Variants in CTNNA2 observed in about 807,000 individuals in gnomAD.
The protein encoded by CTNNA2 is catenin alpha 2, also known as catenin alpha-2.
Under a neutral mutation model 101.0 loss-of-function variants are expected in CTNNA2, and 42 were observed. The observed-to-expected ratio is 0.42, with a 90% CI of 0.32 to 0.54. The LOEUF is 0.54. Ranked by LOEUF, CTNNA2 falls within the 20% of genes least tolerant of loss-of-function variation. The probability of loss-of-function intolerance (pLI) is 0.14; values close to 1 mark genes in which losing one functional copy is unlikely to be tolerated. For missense variants in CTNNA2, 871 were observed against 1,223.1 expected (o/e 0.71, Z 4.29); for synonymous variants, 450 against 456.4 (o/e 0.99, Z 0.18).
intron 9 of CTNNA2, among the ~76,000 whole-genome samples, chr2:80,441,245 G>C (rs972511475): frequency 6.6e-6 from 1 of 152,124 alleles, no homozygotes; most frequent in Non-Finnish European, 1.5e-5. Context: ...TGTCTACCCT[G>C]AGACTTCAAA....
chr2:79,922,330 T>A (rs1686719416), intron 7 of CTNNA2, among the ~76,000 whole-genome samples: 1 of 152,156 alleles, frequency 6.6e-6, no homozygotes, highest in Non-Finnish European at 1.5e-5. Flanking sequence ...TGGCCTTTTT[T>A]ATTATTTTGT....
chr2:79,766,209 G>T (rs1673144079), intron 3 of CTNNA2, among the ~76,000 whole-genome samples: 1 of 152,148 alleles, frequency 6.6e-6, no homozygotes, highest in African/African-American at 2.4e-5. Flanking sequence ...TTGTAGGACA[G>T]GTCTGGTGTT....
chr2:79,554,690 C>T (rs945055026), intron 1 of CTNNA2, among the ~76,000 whole-genome samples: 1 of 152,082 alleles, frequency 6.6e-6, no homozygotes, highest in Non-Finnish European at 1.5e-5. Flanking sequence ...CTCCAGACAC[C>T]TCATACCCAA....
At chr2:79,560,701 G>A (rs1674722547) in intron 1 of CTNNA2, among the ~76,000 whole-genome samples, 1 of 151,834 alleles carries the variant, frequency 6.6e-6, no homozygotes. Context: ...GTATGAATAT[G>A]TTAGGAAAAG....
At chr2:79,755,027 A>T (rs1369746923) in intron 3 of CTNNA2, among the ~76,000 whole-genome samples, 1 of 138,978 alleles carries the variant, frequency 7.2e-6, no homozygotes, top group African/African-American at 2.7e-5. Flanking sequence ...ATTACTTTTT[A>T]AAATGATACT....
At chr2:79,617,085 G>A (rs1056533874) in intron 1 of CTNNA2, among the ~76,000 whole-genome samples, 7 of 151,908 alleles carry the variant, frequency 4.6e-5, no homozygotes, top group African/African-American at 7.3e-5. Context: ...TGTATTTTTA[G>A]TAGAGACGGG....
chr2:79,448,492 A>T (rs541976049), intron 4 of CTNNA2, among the ~76,000 whole-genome samples: 1 of 152,190 alleles, frequency 6.6e-6, no homozygotes, highest in East Asian at 1.9e-4. Flanking sequence ...TCAGGTAAAT[A>T]CAAGGTGCAT....
chr2:80,452,606 G>A (rs868337853), intron 9 of CTNNA2, among the ~76,000 whole-genome samples: 92 of 151,702 alleles, frequency 6.1e-4, no homozygotes, highest in South Asian at 3.5e-3. Context: ...ATGCTGGCTG[G>A]CATCCTCACA....
At chr2:79,615,031 C>T (rs1015076571) in intron 1 of CTNNA2, among the ~76,000 whole-genome samples, 2 of 152,022 alleles carry the variant, frequency 1.3e-5, no homozygotes, top group Non-Finnish European at 2.9e-5. Context: ...GTGTGGTTGA[C>T]GAGAGAGCAT....
intron 7 of CTNNA2, among the ~76,000 whole-genome samples, chr2:79,978,920 A>G (rs960243216): frequency 7.2e-5 from 11 of 152,306 alleles, no homozygotes; most frequent in Admixed American, 2.6e-4. Flanking sequence ...CTCTTGACAT[A>G]AAGAAAACTG....
intron 1 of CTNNA2, among the ~76,000 whole-genome samples, chr2:79,532,561 T>C (rs973781445): frequency 6.6e-6 from 1 of 152,198 alleles, no homozygotes; most frequent in Non-Finnish European, 1.5e-5. Flanking sequence ...TTCACCATCA[T>C]TGGCTATTAT....
At chr2:79,834,789 A>G (rs1028599737) in intron 3 of CTNNA2, among the ~76,000 whole-genome samples, 4 of 152,024 alleles carry the variant, frequency 2.6e-5, no homozygotes, top group African/African-American at 9.7e-5. Context: ...ACCCAATATC[A>G]TAAATATATC....
chr2:80,156,315 A>T (rs533683960), intron 7 of CTNNA2, among the ~76,000 whole-genome samples: 1 of 152,256 alleles, frequency 6.6e-6, no homozygotes, highest in Non-Finnish European at 1.5e-5. Context: ...TAGAAATATG[A>T]TCGTTTTATG....
intron 6 of CTNNA2, among the ~76,000 whole-genome samples, chr2:79,884,786 A>G (rs1044480416): frequency 7.0e-6 from 1 of 142,290 alleles, no homozygotes; most frequent in African/African-American, 2.6e-5. Context: ...TCAAATTGTA[A>G]TTCTCTTTCC....
chr2:79,457,658 T>C lies in CTNNA2; in HGVS notation c.-134-47396T>C, dbSNP rs184026113. On this transcript the variant is annotated intron_variant, in intron 4 of 21. Transcript: ENST00000466387. ...TATCAAAGCTCTTTTTCTACTTACC[T>C]TAGTTACGGAAACTCCGCGAGTATT... Among the ~76,000 whole-genome samples, 1,639 of 152,250 alleles carry C rather than the reference T, an allele frequency of 0.011. 80 individuals carry two copies. The East Asian group carries it at 0.13, about 12-fold the overall frequency.
At chr2:80,533,842 C>T (rs1289142651) in intron 9 of CTNNA2, among the ~76,000 whole-genome samples, 2 of 152,164 alleles carry the variant, frequency 1.3e-5, no homozygotes, top group East Asian at 1.9e-4. Context: ...AAGGGCATTA[C>T]ATTCCCGGCA....
chr2:79,399,901 T>C (rs1372637205), intron 4 of CTNNA2, among the ~76,000 whole-genome samples: 1 of 152,072 alleles, frequency 6.6e-6, no homozygotes, highest in Non-Finnish European at 1.5e-5. Flanking sequence ...CCCAAATATC[T>C]GAGACAGGTC....
At chr2:80,255,117 T>C (rs545287435) in intron 7 of CTNNA2, among the ~76,000 whole-genome samples, 1 of 152,314 alleles carries the variant, frequency 6.6e-6, no homozygotes, top group East Asian at 1.9e-4. Flanking sequence ...CCTGTGTCGA[T>C]AGATGTTCGT....
chr2:79,475,717 GA>G (rs1455593403), intron 4 of CTNNA2, among the ~76,000 whole-genome samples: 2 of 146,618 alleles, frequency 1.4e-5, no homozygotes, highest in Admixed American at 1.4e-4. Context: ...TTATATTCAG[GA>G]AAATTTCTTG....
Sources: gnomAD v4.1 joint callset for allele counts (sites outside exome capture counted in the v4.1 genomes callset) on GRCh38, gnomAD v4.1.1 for gene constraint, MANE v1.5 for transcripts, NCBI Gene and HGNC (gene_info 2026-07-23, HGNC 2026-07-21) for gene names.